The following MGAM2 variants were observed in gnomAD, a reference collection of about 807,000 sequenced individuals.
MGAM2 encodes probable maltase-glucoamylase 2.
Under a neutral mutation model 96.1 loss-of-function variants are expected in MGAM2, and 98 were observed. The ratio of observed to expected loss-of-function variants is 1.02; its 90% CI spans 0.87 to 1.21. The LOEUF (loss-of-function observed/expected upper bound fraction) is 1.21, where lower values mean the gene tolerates loss of function less well. MGAM2 is among the 50% of genes most tolerant of loss of function. MGAM2 has a pLI of 0.00. For synonymous variants in MGAM2, 749 were observed against 414.8 expected (o/e 1.81, Z -9.79); for missense variants, 2,055 against 1,182.4 (o/e 1.74, Z -10.82).
chr7:142,210,185 G>A (rs898219549), intron 46 of MGAM2, among the ~76,000 whole-genome samples: 2 of 152,140 alleles, frequency 1.3e-5, no homozygotes, highest in African/African-American at 4.8e-5. Flanking sequence ...TTTTCCCATG[G>A]TCTTTGCAAC....
intron 44 of MGAM2, among the ~76,000 whole-genome samples, chr7:142,199,480 TA>T (rs11304670): frequency 0.75 from 114,540 of 151,998 alleles, 43,571 homozygotes; most frequent in African/African-American, 0.86. Context: ...AAGGAAGAGA[TA>T]AAAATAAGTA....
chr7:142,141,008 A>G lies in MGAM2; in HGVS notation c.1219-13A>G, dbSNP rs1795208678. ...TTTATGAAAATAATATTTATATCGT[A>G]TTTCTTTATTAGAATCCTGGCATCT... On this transcript the variant is annotated splice_polypyrimidine_tract_variant and intron_variant, in intron 11 of 47. Transcript: ENST00000477922. 1 of 694,218 alleles carries G rather than the reference A, an allele frequency of 1.4e-6. No homozygotes were observed. Among genetic ancestry groups the G allele is most frequent in the African/African-American group, 1.8e-5 (1 of 56,722 alleles). The allele number at this position is 694,218 out of a possible 1,614,324, so 43.0% of individuals were successfully genotyped here.
intron 47 of MGAM2, among the ~76,000 whole-genome samples, chr7:142,219,068 C>A (rs1015035088): frequency 6.6e-6 from 1 of 152,218 alleles, no homozygotes; most frequent in South Asian, 2.1e-4. Flanking sequence ...AAATAGCAGG[C>A]CCTACTAGAG....
At chr7:142,186,818 C>T (rs1010127372) in intron 35 of MGAM2, among the ~76,000 whole-genome samples, 2 of 152,150 alleles carry the variant, frequency 1.3e-5, no homozygotes, top group African/African-American at 4.8e-5. Context: ...CAGGGGCCTC[C>T]CTGACCACCC....
intron 37 of MGAM2, 76 bp from the exon 38 acceptor site, chr7:142,196,078 T>G: frequency 1.4e-6 from 1 of 727,534 alleles, no homozygotes; most frequent in Non-Finnish European, 2.5e-6. Context: ...CCTCACCCTC[T>G]CATGCTCCAA....
intron 14 of MGAM2, among the ~76,000 whole-genome samples, chr7:142,146,018 A>C (rs747006198): frequency 1.3e-4 from 20 of 151,904 alleles, no homozygotes; most frequent in Admixed American, 2.6e-4. Context: ...AGGAGTAAAT[A>C]ATTTTTTGGA....
chr7:142,157,430 T>A lies in MGAM2; in HGVS notation c.1924-507T>A, dbSNP rs143971163. Among the ~76,000 whole-genome samples, 549 of 151,904 alleles carry A rather than the reference T, an allele frequency of 3.6e-3. 4 individuals carry two copies. Among genetic ancestry groups the A allele is most frequent in the African/African-American group, 0.013 (531 of 41,434 alleles). ...TTTTTTGAGACAGAGTCTCATTCTG[T>A]TGCCAGTTTGGAGTGCAGTGGCACG... On this transcript the variant is annotated intron_variant, in intron 17 of 47. Transcript: ENST00000477922.
At chr7:142,186,523 A>G (rs1484935112) in intron 35 of MGAM2, among the ~76,000 whole-genome samples, 2 of 152,216 alleles carry the variant, frequency 1.3e-5, no homozygotes, top group Admixed American at 6.5e-5. Flanking sequence ...GACGTTTGCC[A>G]TAGTACTGGG....
At chr7:142,208,678 C>T (rs949975272) in intron 46 of MGAM2, 56 bp downstream of exon 46, 1 of 690,130 alleles carries the variant, frequency 1.4e-6, no homozygotes, top group African/African-American at 1.8e-5. Flanking sequence ...ACAGATTAAA[C>T]ATTACAGTTA....
rs1051266848 is a variant in MGAM2 at position 142,221,701 on chromosome 7, C to T, written c.7190C>T (p.Thr2397Ile). Residue 2397 changes from threonine to isoleucine, a missense_variant, in exon 48 of 48, where the codon ACA becomes ATA. By Grantham distance (89) the Thr-to-Ile change is moderately conservative (BLOSUM62 -1). Coordinates refer to ENST00000477922, the MANE Select transcript of MGAM2 (RefSeq NM_001293626.2). ...FATPHSATTT[T>I]LALSHTSLAP... ...ACTCCCCATTCTGCTACTACTACAA[C>T]ACTGGCCTTAAGCCACACCTCATTA... The T allele has an allele frequency of 1.2e-5, 5 of 424,200 alleles. No individual in the cohort carries two copies. The highest frequency in any genetic ancestry group is 6.1e-5 in the African/African-American group (3 of 49,180). 26.3% of individuals were successfully genotyped at this position (424,200 alleles called of 1,614,324 possible). A position where few individuals can be genotyped will look rare whatever the true frequency, so the allele number is the denominator to read the frequency against.
chr7:142,123,019 G>A (rs745940523), intron 3 of MGAM2, among the ~76,000 whole-genome samples: 1 of 151,996 alleles, frequency 6.6e-6, no homozygotes, highest in Admixed American at 6.6e-5. Context: ...TAGTAGAGAC[G>A]GGGTTTCACC....
At chr7:142,134,744 C>T (rs1362776539) in intron 7 of MGAM2, among the ~76,000 whole-genome samples, 1 of 149,588 alleles carries the variant, frequency 6.7e-6, no homozygotes, top group African/African-American at 2.5e-5. Context: ...ATTAATGCCT[C>T]TCAGCTTATC....
rs35830084 is a variant in MGAM2 at position 142,191,608 on chromosome 7, A to C, written c.4346+2103A>C. 2.6e-3 allele frequency among the ~76,000 whole-genome samples: 388 copies of C among 151,970 alleles called. 3 individuals are homozygous for C. The highest frequency in any genetic ancestry group is 5.8e-3 in the African/African-American group (242 of 41,468). On this transcript the variant is annotated intron_variant, in intron 37 of 47. Coordinates refer to ENST00000477922, the MANE Select transcript of MGAM2 (RefSeq NM_001293626.2). ...TTCATTGATCTCTCTCTCTCTATATATATATATATCCTTATGCCAGTACCA... is the reference window on the plus strand; with the variant it reads ...TTCATTGATCTCTCTCTCTCTATATCTATATATATCCTTATGCCAGTACCA...
Position 142,143,835 on chromosome 7 carries a change from C to G in MGAM2, c.1384C>G (p.Gln462Glu). Residue 462 changes from glutamine (Q) to glutamate (E), a missense_variant, in exon 13 of 48, where the codon CAG becomes GAG. Transcript: ENST00000477922. ...NPVCTEWWTD[Q>E]VAKFHDHLEF... ...AGTATGCACTGAGTGGTGGACAGATCAGGTCGCTAAATTTCATGATCATCT... is the reference window on the plus strand; with the variant it reads ...AGTATGCACTGAGTGGTGGACAGATGAGGTCGCTAAATTTCATGATCATCT... The G allele has an allele frequency of 1.4e-6, 1 of 702,762 alleles. No individual in the cohort carries two copies. Among genetic ancestry groups the G allele is most frequent in the Non-Finnish European group, 2.6e-6 (1 of 384,852 alleles). 43.5% of individuals were successfully genotyped at this position (702,762 alleles called of 1,614,324 possible).
intron 14 of MGAM2, among the ~76,000 whole-genome samples, chr7:142,146,844 C>T (rs543649786): frequency 6.6e-6 from 1 of 152,112 alleles, no homozygotes; most frequent in South Asian, 2.1e-4. Flanking sequence ...TCTCCTGCCT[C>T]AGCCTCCCAA....
In MGAM2 at chr7:142,113,456, G is replaced by A. The variant is rs1280212973; in HGVS notation, c.-1+1649G>A. ...GTAATGACCCAAAGATACCGGGAAA[G>A]TAGTCTGACTGAACTGTTAACTGGC... On this transcript the variant is annotated intron_variant, in intron 1 of 47. Coordinates refer to ENST00000477922, the MANE Select transcript of MGAM2 (RefSeq NM_001293626.2). 3.3e-5 allele frequency among the ~76,000 whole-genome samples: 5 copies of A among 152,252 alleles called. No individual in the cohort carries two copies. The East Asian group carries it at 5.8e-4, about 18-fold the overall frequency.
chr7:142,155,255 TC>T (rs1795703249), intron 17 of MGAM2, among the ~76,000 whole-genome samples: 1 of 152,180 alleles, frequency 6.6e-6, no homozygotes, highest in African/African-American at 2.4e-5. Flanking sequence ...AACATTTCTT[TC>T]CCCTTGTTAC....
At chr7:142,134,808 A>C (rs528122305) in intron 7 of MGAM2, among the ~76,000 whole-genome samples, 2 of 152,064 alleles carry the variant, frequency 1.3e-5, no homozygotes, top group Admixed American at 1.3e-4. Context: ...CACTGGCAAT[A>C]ATTTTGTAAA....
chr7:142,138,497 G>A, intron 9 of MGAM2, 45 bp from the exon 10 acceptor site: 1 of 690,158 alleles, frequency 1.4e-6, no homozygotes, highest in Middle Eastern at 2.3e-4. Context: ...AATGAAATGG[G>A]GCTAATGTTA....
Sources: gnomAD v4.1 joint callset for allele counts (sites outside exome capture counted in the v4.1 genomes callset) on GRCh38, gnomAD v4.1.1 for gene constraint, MANE v1.5 for transcripts, NCBI Gene and HGNC (gene_info 2026-07-23, HGNC 2026-07-21) for gene names.